The following LIPA variants were observed in gnomAD, a reference collection of about 807,000 sequenced individuals.
LIPA encodes the protein lysosomal acid lipase/cholesteryl ester hydrolase.
Under a neutral mutation model 40.6 loss-of-function variants are expected in LIPA, and 26 were observed. The ratio of observed to expected loss-of-function variants is 0.64; its 90% CI spans 0.47 to 0.89. The LOEUF is 0.89. LIPA is among the 40% of genes least tolerant of loss of function. LIPA has a pLI of 0.00. For synonymous variants in LIPA, 188 were observed against 168.4 expected, an observed-to-expected ratio of 1.12 and a Z score of -0.90; for missense variants, 455 against 479.6, an observed-to-expected ratio of 0.95 and a Z score of 0.48.
At chr10:89,347,528 C>T (rs1433027526), upstream of LIPA, among the ~76,000 whole-genome samples, 1 of 152,212 alleles carries the variant, frequency 6.6e-6, no homozygotes, top group Non-Finnish European at 1.5e-5. Flanking sequence ...CAGTTTCAAA[C>T]TTGCCATGCT....
intron 3 of LIPA, among the ~76,000 whole-genome samples, chr10:89,235,652 G>A (rs932449286): frequency 3.9e-5 from 6 of 152,192 alleles, no homozygotes; most frequent in South Asian, 2.1e-4. Context: ...TGCTGAGTCC[G>A]GACAGGACTC....
intron 1 of LIPA, chr10:89,302,041 T>G: frequency 6.6e-7 from 1 of 1,526,336 alleles, no homozygotes; most frequent in African/African-American, 1.4e-5. Context: ...TCAGCATTTA[T>G]TGGTGGCAGA....
At chr10:89,403,043 T>A (rs1453545786) in intron 2 of LIPA, 3 of 1,614,140 alleles carry the variant, frequency 1.9e-6, no homozygotes, top group Non-Finnish European at 2.5e-6. Context: ...TCTTTCGATA[T>A]GCAGCCAAGT....
At chr10:89,247,366 T>A in intron 2 of LIPA, among the ~76,000 whole-genome samples, 172 bp downstream of exon 2, 1 of 94,372 alleles carries the variant, frequency 1.1e-5, no homozygotes, top group Admixed American at 1.7e-4. Flanking sequence ...GGTGACAGAG[T>A]AAGACTCTGC....
chr10:89,392,722 G>C (rs769697159), intron 2 of LIPA: 3 of 1,613,884 alleles, frequency 1.9e-6, no homozygotes, highest in Admixed American at 3.3e-5. Flanking sequence ...CATGAGGTAA[G>C]GATTTCTTTG....
chr10:89,336,460 C>T (rs1843742070), intron 1 of LIPA, among the ~76,000 whole-genome samples: 1 of 152,040 alleles, frequency 6.6e-6, no homozygotes, highest in Admixed American at 6.6e-5. Context: ...TCATATTGGG[C>T]CAAAAATGGT....
chr10:89,284,647 C>T (rs1843332330), intron 1 of LIPA: 1 of 152,196 alleles, frequency 6.6e-6, no homozygotes, highest in East Asian at 1.9e-4. Flanking sequence ...AAAAATCATA[C>T]TGCCCCTTAT....
intron 2 of LIPA, among the ~76,000 whole-genome samples, chr10:89,372,729 G>A (rs7090951): frequency 0.034 from 5,165 of 152,252 alleles, 218 homozygotes; most frequent in African/African-American, 0.099. Context: ...CAGAACCATG[G>A]GAATGGCATT....
intron 1 of LIPA, chr10:89,302,249 A>T (rs1256557542): frequency 9.9e-7 from 1 of 1,009,258 alleles, no homozygotes; most frequent in African/African-American, 1.6e-5. Context: ...TAGCCTTACT[A>T]TGCCTCTACC....
Position 89,358,338 on chromosome 10 carries a change from A to C in LIPA, c.61+54453T>G, listed in dbSNP as rs186061352. ...GGGAACCTTATATACTGTTGGTGGGAATGTAAATTAGTACAGCCACTATGG... is the reference window on the plus strand; with the variant it reads ...GGGAACCTTATATACTGTTGGTGGGCATGTAAATTAGTACAGCCACTATGG... On this transcript the variant is annotated intron_variant, in intron 2 of 8. Coordinates refer to the LIPA transcript ENST00000371837. 5.9e-5 allele frequency among the ~76,000 whole-genome samples: 9 copies of C among 152,352 alleles called. No individual in the cohort carries two copies. The East Asian group carries it at 1.5e-3, about 26-fold the overall frequency.
chr10:89,336,239 G>A (rs544657447), intron 1 of LIPA, among the ~76,000 whole-genome samples: 1 of 152,054 alleles, frequency 6.6e-6, no homozygotes, highest in African/African-American at 2.4e-5. Flanking sequence ...GGGAGGGAAA[G>A]AAGGAAGGAA....
intron 3 of LIPA, among the ~76,000 whole-genome samples, chr10:89,230,441 G>A (rs895223889): frequency 2.0e-5 from 3 of 152,078 alleles, no homozygotes; most frequent in Admixed American, 2.0e-4. Context: ...TGAGTAGTTG[G>A]GATTTCAGGC....
chr10:89,364,015 G>C (rs868008021), intron 2 of LIPA, among the ~76,000 whole-genome samples: 44 of 152,268 alleles, frequency 2.9e-4, no homozygotes, highest in Admixed American at 1.1e-3. Context: ...CCTGAACCCT[G>C]TCTTTTGAGA....
At chr10:89,392,513 T>A in intron 2 of LIPA, 3 of 180,996 alleles carry the variant, frequency 1.7e-5, no homozygotes, top group Non-Finnish European at 3.4e-5. Context: ...TTAGTTTCAC[T>A]TTCCCCTTTC....
intron 2 of LIPA, chr10:89,403,012 A>T: frequency 6.2e-7 from 1 of 1,614,246 alleles, no homozygotes; most frequent in Non-Finnish European, 8.5e-7. Context: ...GCTCTAGCCA[A>T]CATGTCCTCA....
intron 3 of LIPA, among the ~76,000 whole-genome samples, chr10:89,230,841 T>G (rs1334908474): frequency 6.6e-6 from 1 of 152,222 alleles, no homozygotes; most frequent in East Asian, 1.9e-4. Flanking sequence ...ACTATTAAGT[T>G]GCTTAACCAG....
upstream of LIPA, among the ~76,000 whole-genome samples, chr10:89,346,203 A>G (rs1843919668): frequency 6.6e-6 from 1 of 152,214 alleles, no homozygotes; most frequent in South Asian, 2.1e-4. Flanking sequence ...TTTTAGACTT[A>G]AAGTTGTAAA....
At chr10:89,305,491 G>A (rs1346911473) in intron 1 of LIPA, among the ~76,000 whole-genome samples, 1 of 152,086 alleles carries the variant, frequency 6.6e-6, no homozygotes, top group Non-Finnish European at 1.5e-5. Context: ...TCGGAGGGAT[G>A]AGAAATTAAA....
At chr10:89,337,317 T>C (rs1843757594) in intron 1 of LIPA, among the ~76,000 whole-genome samples, 1 of 152,204 alleles carries the variant, frequency 6.6e-6, no homozygotes, top group Admixed American at 6.5e-5. Flanking sequence ...GGTACCCCAA[T>C]AAAGAGTCAT....
Sources: gnomAD v4.1 joint callset for allele counts (sites outside exome capture counted in the v4.1 genomes callset) on GRCh38, gnomAD v4.1.1 for gene constraint, MANE v1.5 for transcripts, NCBI Gene and HGNC (gene_info 2026-07-23, HGNC 2026-07-21) for gene names.